The following PCDHGA2 variants were observed in gnomAD, a reference collection of about 807,000 sequenced individuals.
PCDHGA2 encodes protocadherin gamma-A2.
In PCDHGA2, 40 loss-of-function variants were observed where a neutral mutation model predicts 59.2. The observed-to-expected ratio is 0.68, with a 90% CI of 0.52 to 0.88. PCDHGA2 has a LOEUF of 0.88. PCDHGA2 is among the 40% of genes least tolerant of loss of function. The pLI, the probability that PCDHGA2 is intolerant of heterozygous loss-of-function variation, is 0.00. For synonymous variants in PCDHGA2, 560 were observed against 526.0 expected, an observed-to-expected ratio of 1.06 and a Z score of -0.89; for missense variants, 1,226 against 1,204.0, an observed-to-expected ratio of 1.02 and a Z score of -0.27.
chr5:141,466,518 T>C (rs1430823209), intron 1 of PCDHGA2, among the ~76,000 whole-genome samples: 2 of 152,222 alleles, frequency 1.3e-5, no homozygotes, highest in Admixed American at 6.5e-5. Flanking sequence ...TCATTTTTTT[T>C]CCTCCCAAAT....
At chr5:141,394,847 G>T in intron 1 of PCDHGA2, 1 of 1,613,848 alleles carries the variant, frequency 6.2e-7, no homozygotes, top group South Asian at 1.1e-5. Context: ...TGGGCAGTCT[G>T]AAGCCTTCGG....
rs545544226 is a variant in PCDHGA2, at chr5:141,376,066, C to T, written c.2424+34671C>T. 2.3e-5 allele frequency: 37 copies of T among 1,613,396 alleles called. 2 individuals are homozygous for T. The South Asian group carries it at 3.6e-4, about 16-fold the overall frequency. ...CTCTCTCCGCCACTGTCACGCTCACCGTGGCCGTGGCCGACAGGATCCCCG... is the reference window on the plus strand; with the variant it reads ...CTCTCTCCGCCACTGTCACGCTCACTGTGGCCGTGGCCGACAGGATCCCCG... On this transcript the variant is annotated intron_variant, in intron 1 of 3. Transcript: ENST00000394576.
intron 1 of PCDHGA2, chr5:141,478,076 C>A: frequency 6.2e-7 from 1 of 1,614,106 alleles, no homozygotes. Context: ...CAATGGGGAG[C>A]CTTCGCTCTC....
In PCDHGA2 at chr5:141,360,884, C is replaced by T; in HGVS notation, c.2424+19489C>T. 1 of 1,614,020 alleles carries T rather than the reference C, an allele frequency of 6.2e-7. No individual in the cohort carries two copies. Among genetic ancestry groups the T allele is most frequent in the Non-Finnish European group, 8.5e-7 (1 of 1,179,908 alleles). On this transcript the variant is annotated intron_variant, in intron 1 of 3. Coordinates refer to ENST00000394576, the MANE Select transcript of PCDHGA2 (RefSeq NM_018915.4). ...TTCAGCCAGGACGTGTACAGGGTCA[C>T]CCTGAGGGAGGACGTGCCGCCGGGC...
chr5:141,360,004 CA>C (rs1761388833), intron 1 of PCDHGA2: 1 of 1,185,444 alleles, frequency 8.4e-7, no homozygotes, highest in African/African-American at 1.5e-5. Flanking sequence ...CTGCACAAAC[CA>C]ACCACACAGA....
At chr5:141,365,372 AT>A in intron 1 of PCDHGA2, 1 of 1,613,916 alleles carries the variant, frequency 6.2e-7, no homozygotes, top group Non-Finnish European at 8.5e-7. Flanking sequence ...CCCCGAAGTG[AT>A]CCTCACCTCT....
At position 141,339,693 on chromosome 5, in the gene PCDHGA2, T is replaced by C; in HGVS notation, c.722T>C (p.Val241Ala). The C allele has an allele frequency of 6.2e-7, 1 of 1,614,134 alleles. No individual in the cohort carries two copies. The highest frequency in any genetic ancestry group is 8.5e-7 in the Non-Finnish European group (1 of 1,180,016). Residue 241 changes from valine to alanine, a missense_variant, in exon 1 of 4, where the codon GTT becomes GCT. Val to Ala is a moderately conservative substitution (Grantham distance 64). Coordinates refer to ENST00000394576, the MANE Select transcript of PCDHGA2 (RefSeq NM_018915.4). ...KVLDANDNAP[V>A]FTQPEYRISI... ...CTGGATGCGAACGACAATGCGCCTG[T>C]TTTTACACAGCCCGAGTACCGCATA...
chr5:141,360,763 T>C lies in PCDHGA2; in HGVS notation c.2424+19368T>C, dbSNP rs760803467. On this transcript the variant is annotated intron_variant, in intron 1 of 3. Transcript: ENST00000394576. ...CAGAGAAGAGCACAGTTTACATCAA[T>C]TGGTCCTCACAGCTGTGGATGGCGG... 5.6e-6 allele frequency: 9 copies of C among 1,613,954 alleles called. No individual in the cohort carries two copies. In the South Asian group the frequency reaches 6.6e-5, roughly 12 times the overall value.
rs140088812 is a variant in PCDHGA2, at chr5:141,489,695, T to C, written c.2425-5112T>C. The C allele has an allele frequency of 6.2e-7, 1 of 1,614,088 alleles. No homozygotes were observed. The highest frequency in any genetic ancestry group is 1.3e-5 in the African/African-American group (1 of 75,026). On this transcript the variant is annotated intron_variant, in intron 1 of 3. Transcript: ENST00000394576. This position sits in a 1 kb window ranked among gnomAD's most constrained non-coding sequence, Gnocchi z 4.5. ...GAATCAGCAGCATCTGGGGCACGAT[T>C]CCCACTGGACAGTGCCCAGGATCCG...
At chr5:141,371,409 G>T in intron 1 of PCDHGA2, 2 of 1,614,022 alleles carry the variant, frequency 1.2e-6, no homozygotes, top group Non-Finnish European at 1.7e-6. Flanking sequence ...AGATATTTCA[G>T]ATGAAAATGA....
At chr5:141,415,095 C>T (rs1045755927) in intron 1 of PCDHGA2, 1 of 1,613,584 alleles carries the variant, frequency 6.2e-7, no homozygotes, top group Non-Finnish European at 8.5e-7. Context: ...TGGACAGAGA[C>T]GCGCTCAAGC....
intron 1 of PCDHGA2, chr5:141,344,130 T>A (rs773448706): frequency 6.2e-7 from 1 of 1,614,060 alleles, no homozygotes; most frequent in South Asian, 1.1e-5. Flanking sequence ...TCAGATCCGC[T>A]ACTCGGTGTC....
At chr5:141,374,580 C>T (rs745902303) in intron 1 of PCDHGA2, 1 of 1,613,706 alleles carries the variant, frequency 6.2e-7, no homozygotes, top group Non-Finnish European at 8.5e-7. Context: ...GGAATGAACT[C>T]CCTTCAGGGA....
At chr5:141,385,779 A>G (rs956234823) in intron 1 of PCDHGA2, 3 of 161,336 alleles carry the variant, frequency 1.9e-5, no homozygotes, top group Admixed American at 1.8e-4. Context: ...GCCTCCATGT[A>G]CCTCAGCTTG....
intron 1 of PCDHGA2, chr5:141,370,456 T>C (rs889377616): frequency 6.2e-7 from 1 of 1,611,944 alleles, no homozygotes; most frequent in African/African-American, 1.3e-5. Context: ...TTTCTCTTCC[T>C]GCTCTCTTTG....
At chr5:141,356,311 G>A (rs1760187791) in intron 1 of PCDHGA2, 1 of 1,554,072 alleles carries the variant, frequency 6.4e-7, no homozygotes. Context: ...ACTTTTCAAC[G>A]TGCATGACAG....
chr5:141,357,187 G>C, intron 1 of PCDHGA2: 1 of 1,613,776 alleles, frequency 6.2e-7, no homozygotes, highest in South Asian at 1.1e-5. Flanking sequence ...ACTCACTGTG[G>C]CTGTGGCCGA....
intron 1 of PCDHGA2, chr5:141,356,111 T>C: frequency 1.2e-6 from 2 of 1,613,818 alleles, no homozygotes; most frequent in Non-Finnish European, 1.7e-6. Flanking sequence ...ATAACAATAT[T>C]GGGGGGTCTA....
chr5:141,401,125 C>T (rs2094118410), intron 1 of PCDHGA2, among the ~76,000 whole-genome samples: 1 of 152,200 alleles, frequency 6.6e-6, no homozygotes, highest in South Asian at 2.1e-4. Context: ...GGTTGGATCA[C>T]ATGGTCAGGA....
Sources: gnomAD v4.1 joint callset for allele counts (sites outside exome capture counted in the v4.1 genomes callset) on GRCh38, gnomAD v4.1.1 for gene constraint, Gnocchi (gnomAD v3.1) non-coding constraint, MANE v1.5 for transcripts, NCBI Gene and HGNC (gene_info 2026-07-23, HGNC 2026-07-21) for gene names.